KIAA1671: variants seen among roughly 807,000 people sequenced by gnomAD.
KIAA1671 encodes uncharacterized protein KIAA1671.
KIAA1671 carries 52 observed loss-of-function variants against 131.2 expected under a neutral mutation model. The ratio of observed to expected loss-of-function variants is 0.40; its 90% CI spans 0.32 to 0.50. KIAA1671 has a LOEUF of 0.50. KIAA1671 is among the 20% of genes least tolerant of loss of function. The pLI is 0.73. For missense variants in KIAA1671, 2,360 were observed against 2,364.2 expected, an observed-to-expected ratio of 1.00 and a Z score of 0.04; for synonymous variants, 1,003 against 961.6, an observed-to-expected ratio of 1.04 and a Z score of -0.80.
At chr22:24,994,576 G>T (rs541836782) in intron 1 of KIAA1671, among the ~76,000 whole-genome samples, 5 of 152,268 alleles carry the variant, frequency 3.3e-5, no homozygotes, top group African/African-American at 1.2e-4. Context: ...GCACCCTGTG[G>T]TGCCTGGGGT....
chr22:25,170,063 G>A (rs1437960411), intron 6 of KIAA1671, among the ~76,000 whole-genome samples: 2 of 152,112 alleles, frequency 1.3e-5, no homozygotes, highest in Admixed American at 6.5e-5. Flanking sequence ...ATAGGCGCCT[G>A]CCACCACACC....
chr22:25,093,742 C>G (rs143253267), intron 6 of KIAA1671, among the ~76,000 whole-genome samples: 1 of 118,480 alleles, frequency 8.4e-6, no homozygotes, highest in African/African-American at 3.6e-5. Flanking sequence ...CACACACTCT[C>G]TCTCTCTCTC....
At chr22:25,153,699 C>T (rs1159657590) in intron 6 of KIAA1671, among the ~76,000 whole-genome samples, 1 of 152,192 alleles carries the variant, frequency 6.6e-6, no homozygotes, top group Non-Finnish European at 1.5e-5. Context: ...CCAGGAAGAA[C>T]CCAAACGCCT....
chr22:25,003,500 C>T (rs1261472798), intron 1 of KIAA1671, among the ~76,000 whole-genome samples: 1 of 149,620 alleles, frequency 6.7e-6, no homozygotes, highest in Non-Finnish European at 1.5e-5. Context: ...CAAGCTCCAC[C>T]TCCGGGGTTC....
chr22:25,122,787 A>C (rs2145930919), intron 6 of KIAA1671, among the ~76,000 whole-genome samples: 1 of 152,278 alleles, frequency 6.6e-6, no homozygotes, highest in East Asian at 1.9e-4. Flanking sequence ...ATCCTGGCTA[A>C]CATGGTGAAA....
chr22:25,068,237 C>G (rs1011567001), intron 6 of KIAA1671, among the ~76,000 whole-genome samples: 1 of 152,248 alleles, frequency 6.6e-6, no homozygotes, highest in African/African-American at 2.4e-5. Context: ...GGCCTTCTGA[C>G]TGTGCTGCCA....
chr22:25,076,277 G>A (rs550279969), intron 6 of KIAA1671, among the ~76,000 whole-genome samples: 1 of 151,940 alleles, frequency 6.6e-6, no homozygotes, highest in East Asian at 1.9e-4. Context: ...ATTCTTTGTG[G>A]TTGGAAACTT....
At chr22:25,097,998 G>A (rs924607575) in intron 6 of KIAA1671, among the ~76,000 whole-genome samples, 17 of 152,164 alleles carry the variant, frequency 1.1e-4, no homozygotes, top group African/African-American at 3.9e-4. Context: ...CCACCAAGGA[G>A]GAGGGTGCAT....
intron 6 of KIAA1671, among the ~76,000 whole-genome samples, chr22:25,066,989 C>T (rs562850352): frequency 3.7e-4 from 56 of 152,264 alleles, no homozygotes; most frequent in African/African-American, 1.1e-3. Context: ...GACACTGTTC[C>T]ACTTCGTCAG....
chr22:25,184,179 C>T (rs1046700848), intron 10 of KIAA1671, among the ~76,000 whole-genome samples: 8 of 152,238 alleles, frequency 5.3e-5, no homozygotes, highest in African/African-American at 1.4e-4. Flanking sequence ...AGTTGGGCTG[C>T]GGGCAGACCC....
chr22:25,107,961 T>C (rs1464064912), intron 6 of KIAA1671, among the ~76,000 whole-genome samples: 2 of 152,100 alleles, frequency 1.3e-5, no homozygotes, highest in Non-Finnish European at 2.9e-5. Flanking sequence ...TGAGCTGATA[T>C]CACGCCATTG....
At chr22:25,093,874 CTCTCTCTCTCTCCCT>C (rs1930268965) in intron 6 of KIAA1671, among the ~76,000 whole-genome samples, 1 of 127,288 alleles carries the variant, frequency 7.9e-6, no homozygotes, top group African/African-American at 3.0e-5. Flanking sequence ...CTCTCTCTCT[CTCTCTCTCTCTCCCT>C]TCTGCTTCTG....
chr22:24,956,871 C>CAA (rs60921102), intron 1 of KIAA1671, among the ~76,000 whole-genome samples: 2,237 of 103,024 alleles, frequency 0.022, 101 homozygotes, highest in African/African-American at 0.07. Flanking sequence ...GACTCTGTCT[C>CAA]AAAAAAAAAA....
chr22:24,982,306 C>T (rs1211951838), intron 1 of KIAA1671, among the ~76,000 whole-genome samples: 1 of 152,250 alleles, frequency 6.6e-6, no homozygotes, highest in African/African-American at 2.4e-5. Context: ...ATGCCGCTTT[C>T]ACTGCAGGTT....
intron 6 of KIAA1671, among the ~76,000 whole-genome samples, chr22:25,084,791 CA>C (rs1168779655): frequency 1.3e-5 from 2 of 152,140 alleles, no homozygotes; most frequent in South Asian, 2.1e-4. Flanking sequence ...TGTGATGGTT[CA>C]AAAACCATCT....
chr22:25,073,001 T>C (rs111349511), intron 6 of KIAA1671, among the ~76,000 whole-genome samples: 7 of 152,300 alleles, frequency 4.6e-5, no homozygotes, highest in African/African-American at 1.7e-4. Context: ...ATGTTGCCCA[T>C]TCACTAGGGT....
At chr22:25,004,340 T>TA (rs1453811751) in intron 1 of KIAA1671, among the ~76,000 whole-genome samples, 1 of 151,994 alleles carries the variant, frequency 6.6e-6, no homozygotes, top group African/African-American at 2.4e-5. Flanking sequence ...GATCCTGAAC[T>TA]CCTGGCCTCA....
intron 6 of KIAA1671, among the ~76,000 whole-genome samples, chr22:25,075,778 CTTTTT>C (rs59244604): frequency 7.5e-6 from 1 of 132,584 alleles, no homozygotes; most frequent in African/African-American, 2.9e-5. Context: ...CAGTGCGCAT[CTTTTT>C]TTTTTTTTTT....
Position 24,982,243 on chromosome 22 carries a change from A to T in KIAA1671, c.-208+29471A>T, listed in dbSNP as rs146113025. ...GATGCTGGTTATAAGTAGATTACTTAAGAAATACAGGCAAAGGAAATCAAA... is the reference window on the plus strand; with the variant it reads ...GATGCTGGTTATAAGTAGATTACTTTAGAAATACAGGCAAAGGAAATCAAA... On this transcript the variant is annotated intron_variant, in intron 1 of 12. Transcript: ENST00000358431. Among the ~76,000 whole-genome samples, 385 of 152,370 alleles carry T rather than the reference A, an allele frequency of 2.5e-3. 1 individual carries two copies. Among genetic ancestry groups the T allele is most frequent in the African/African-American group, 8.8e-3 (367 of 41,590 alleles).
Sources: gnomAD v4.1 joint callset for allele counts (sites outside exome capture counted in the v4.1 genomes callset) on GRCh38, gnomAD v4.1.1 for gene constraint, MANE v1.5 for transcripts, NCBI Gene and HGNC (gene_info 2026-07-23, HGNC 2026-07-21) for gene names.